The following ADCY1 variants were observed in gnomAD, a reference collection of about 807,000 sequenced individuals.
The protein encoded by ADCY1 is adenylate cyclase 1.
A neutral mutation model predicts 105.4 loss-of-function variants in ADCY1; 28 were observed. That is an observed-to-expected ratio of 0.27 (90% CI 0.20 to 0.36). The LOEUF (loss-of-function observed/expected upper bound fraction) is 0.36. Ranked by LOEUF, ADCY1 falls within the 10% of genes least tolerant of loss-of-function variation. The pLI, the probability that ADCY1 is intolerant of heterozygous loss-of-function variation, is 1.00. For synonymous variants in ADCY1, 655 were observed against 623.8 expected (o/e 1.05, Z -0.75); for missense variants, 977 against 1,434.2 (o/e 0.68, Z 5.15).
chr7:45,631,743 A>G (rs1307224235), intron 4 of ADCY1, among the ~76,000 whole-genome samples: 1 of 152,262 alleles, frequency 6.6e-6, no homozygotes, highest in African/African-American at 2.4e-5. Context: ...AGGAAAACTC[A>G]CATGAGAAAG....
chr7:45,707,102 G>C (rs1785136775), intron 17 of ADCY1, among the ~76,000 whole-genome samples: 1 of 152,204 alleles, frequency 6.6e-6, no homozygotes, highest in South Asian at 2.1e-4. Context: ...CTTCATTGCT[G>C]GTGGGAATGC....
intron 5 of ADCY1, among the ~76,000 whole-genome samples, chr7:45,651,124 G>C (rs756266061): frequency 6.6e-6 from 1 of 151,694 alleles, no homozygotes; most frequent in African/African-American, 2.4e-5. Flanking sequence ...CTGATTACCA[G>C]AGTGTTCCCA....
At chr7:45,644,147 C>T (rs1794595629) in intron 4 of ADCY1, among the ~76,000 whole-genome samples, 1 of 152,194 alleles carries the variant, frequency 6.6e-6, no homozygotes, top group African/African-American at 2.4e-5. Context: ...GCTTTTCATC[C>T]TCTCCTTCTC....
chr7:45,636,258 T>C (rs1308677410), intron 4 of ADCY1, among the ~76,000 whole-genome samples: 1 of 152,228 alleles, frequency 6.6e-6, no homozygotes, highest in Non-Finnish European at 1.5e-5. Flanking sequence ...AAAAATGGCA[T>C]AGTATTTGCA....
rs374660649 is a variant in ADCY1, at chr7:45,686,107, C to T, written c.2219C>T (p.Pro740Leu). 1 of 1,614,130 alleles carries T rather than the reference C, an allele frequency of 6.2e-7. No individual in the cohort carries two copies. The highest frequency in any genetic ancestry group is 8.5e-7 in the Non-Finnish European group (1 of 1,180,012). ...CTCTGCTGCCTGGTGGGCACCCTCC[C>T]GCTAGCCATATTTTTCCGGGTGTCC... is the stretch of plus-strand genomic sequence containing the variant. ...ALLCCLVGTLPLAIFFRVSSL... is the reference protein window; with the variant it reads ...ALLCCLVGTLLLAIFFRVSSL... The change falls in exon 13 of 20, where the codon CCG becomes CTG. Residue 740 changes from proline (P) to leucine (L), a missense_variant. Physicochemically the swap from Pro to Leu is moderately conservative, Grantham distance 98 (BLOSUM62 -3). Around this residue, in one of 7 missense-constraint regions of ADCY1, gnomAD observed 275 missense variants for 362.1 expected, o/e 0.76. Coordinates refer to ENST00000297323, the MANE Select transcript of ADCY1 (RefSeq NM_021116.4). The surrounding 1 kb of genome is among the most constrained non-coding windows in gnomAD (Gnocchi z 4.3).
intron 1 of ADCY1, among the ~76,000 whole-genome samples, chr7:45,581,769 T>A (rs1792551745): frequency 6.6e-6 from 1 of 152,104 alleles, no homozygotes; most frequent in Admixed American, 6.5e-5. Context: ...ATGAGTTATA[T>A]CCATCCTTCC....
intron 1 of ADCY1, among the ~76,000 whole-genome samples, chr7:45,585,304 G>T (rs1414627938): frequency 1.3e-5 from 2 of 152,202 alleles, no homozygotes; most frequent in African/African-American, 4.8e-5. Flanking sequence ...TTAGCCTAAA[G>T]ATTTTGAAAT....
intron 11 of ADCY1, among the ~76,000 whole-genome samples, chr7:45,681,417 T>C (rs542226634): frequency 3.4e-4 from 52 of 152,324 alleles, no homozygotes; most frequent in Admixed American, 7.2e-4. Context: ...CTCTCCCTTC[T>C]CACCCTCTTC....
chr7:45,666,492 G>A (rs1784258018), intron 8 of ADCY1, among the ~76,000 whole-genome samples: 1 of 152,200 alleles, frequency 6.6e-6, no homozygotes, highest in Non-Finnish European at 1.5e-5. Context: ...ATTCCATGGT[G>A]TATATGTACC....
chr7:45,583,251 CCATGCGTGTATGCTTGTGTGTG>C (rs1250735654), intron 1 of ADCY1, among the ~76,000 whole-genome samples: 1 of 152,198 alleles, frequency 6.6e-6, no homozygotes, highest in Non-Finnish European at 1.5e-5. Flanking sequence ...GCATGTGTTT[CCATGCGTGTATGCTTGTGTGTG>C]CATACAAGTG....
At chr7:45,704,210 G>A (rs1785060273) in intron 16 of ADCY1, among the ~76,000 whole-genome samples, 1 of 152,184 alleles carries the variant, frequency 6.6e-6, no homozygotes, top group Admixed American at 6.5e-5. Flanking sequence ...AGACAGGTGG[G>A]TGCCTCCAGG....
Position 45,710,649 on chromosome 7 carries a change from C to A in ADCY1, c.3054C>A (p.Ile1018=). 1 of 1,612,088 alleles carries A rather than the reference C, an allele frequency of 6.2e-7. No individual in the cohort carries two copies. The highest frequency in any genetic ancestry group is 8.5e-7 in the Non-Finnish European group (1 of 1,179,244). ...ATAGCACAGGGGTCCAGGGCAGAAT[C>A]CAGGTCAGTTCACCAAGAAACCCCT... The part of the protein sequence containing the change: ...RMDSTGVQGR[I]QVTEEVHRLL... Residue 1018 remains isoleucine, a synonymous_variant, in exon 19 of 20, where the codon ATC becomes ATA. Transcript: ENST00000297323. The surrounding 1 kb of genome is among the most constrained non-coding windows in gnomAD (Gnocchi z 4.7).
rs546911549 is a variant in ADCY1 at position 45,608,175 on chromosome 7, T to G, written c.790-2204T>G. Among the ~76,000 whole-genome samples, 4 of 152,262 alleles carry G rather than the reference T, an allele frequency of 2.6e-5. No individual in the cohort carries two copies. In the East Asian group the frequency reaches 7.7e-4, roughly 29 times the overall value. ...GTGAGATGGTATCTCATGGTGGTTT[T>G]GATTTGCATTTCTCTAATGATTAGT... On this transcript the variant is annotated intron_variant, in intron 2 of 19. Coordinates refer to ENST00000297323, the MANE Select transcript of ADCY1 (RefSeq NM_021116.4).
chr7:45,684,109 G>A (rs1784618937), intron 11 of ADCY1, among the ~76,000 whole-genome samples: 1 of 152,266 alleles, frequency 6.6e-6, no homozygotes, highest in African/African-American at 2.4e-5. Flanking sequence ...CAGAGCAGCG[G>A]TTCTTCTGAG....
intron 8 of ADCY1, chr7:45,664,726 A>G (rs1584316995): frequency 5.0e-6 from 1 of 199,078 alleles, no homozygotes; most frequent in Admixed American, 5.4e-5. Context: ...TATCATAAAC[A>G]TTTCCTTCCA....
rs1057523779 is a variant in ADCY1 at position 45,677,891 on chromosome 7, C to T, written c.1628C>T (p.Ser543Leu). The T allele has an allele frequency of 1.1e-5, 17 of 1,613,882 alleles. No individual in the cohort carries two copies. Among genetic ancestry groups the T allele is most frequent in the Admixed American group, 3.3e-5 (2 of 59,984 alleles). ...CAGCGGAGGGCATTAAGAACAGCCT[C>T]GGAAAAACTCAGAAACCGCTCATCT... Reference protein sequence around the residue: ...DDKRRALRTASEKLRNRSSFS... With the variant: ...DDKRRALRTALEKLRNRSSFS... The change falls in exon 9 of 20, where the codon TCG becomes TTG. Residue 543 changes from serine (S) to leucine (L), a missense_variant. Transcript: ENST00000297323.
chr7:45,640,005 T>A (rs974463494), intron 4 of ADCY1, among the ~76,000 whole-genome samples: 4 of 152,132 alleles, frequency 2.6e-5, no homozygotes, highest in African/African-American at 9.7e-5. Flanking sequence ...AGTGTTTAAG[T>A]TAGGATCGCT....
intron 14 of ADCY1, among the ~76,000 whole-genome samples, chr7:45,696,962 G>T (rs896021977): frequency 6.6e-6 from 1 of 152,162 alleles, no homozygotes; most frequent in Non-Finnish European, 1.5e-5. Flanking sequence ...CTAATTAAGG[G>T]GCTGAAGAGG....
chr7:45,651,271 C>G (rs144810622), intron 5 of ADCY1, among the ~76,000 whole-genome samples: 7 of 152,250 alleles, frequency 4.6e-5, no homozygotes, highest in Admixed American at 2.6e-4. Flanking sequence ...CAGACTGTCA[C>G]AGACCCTGGG....
Sources: gnomAD v4.1 joint callset for allele counts (sites outside exome capture counted in the v4.1 genomes callset) on GRCh38, gnomAD v4.1.1 for gene constraint, gnomAD v4.1.1 regional missense constraint, Gnocchi (gnomAD v3.1) non-coding constraint, MANE v1.5 for transcripts, NCBI Gene and HGNC (gene_info 2026-07-23, HGNC 2026-07-21) for gene names.